CADPS2: variants seen among roughly 807,000 people sequenced by gnomAD.
CADPS2 encodes the protein calcium dependent secretion activator 2.
CADPS2 carries 93 observed loss-of-function variants against 172.5 expected under a neutral mutation model. The ratio of observed to expected loss-of-function variants is 0.54; its 90% CI spans 0.46 to 0.64. The LOEUF (loss-of-function observed/expected upper bound fraction) is 0.64. Among genes scored for constraint, CADPS2 ranks in the 30% least tolerant of loss-of-function variants. The probability of loss-of-function intolerance (pLI) is 0.00; values close to 1 mark genes in which losing one functional copy is unlikely to be tolerated. For missense variants in CADPS2, 1,420 were observed against 1,565.9 expected (o/e 0.91, Z 1.57); for synonymous variants, 546 against 555.2 (o/e 0.98, Z 0.23).
intron 2 of CADPS2, chr7:122,698,599 C>A (rs548637042): frequency 8.1e-6 from 13 of 1,613,970 alleles, no homozygotes; most frequent in South Asian, 2.2e-5. Context: ...ACAACCTCCC[C>A]GTTCAATAAG....
chr7:122,624,755 C>T (rs1438484486), intron 4 of CADPS2, among the ~76,000 whole-genome samples: 2 of 152,094 alleles, frequency 1.3e-5, no homozygotes, highest in African/African-American at 4.8e-5. Context: ...ACAAATATGC[C>T]AGCATGTAAG....
intron 7 of CADPS2, among the ~76,000 whole-genome samples, chr7:122,571,995 C>T (rs73433778): frequency 0.028 from 4,237 of 152,102 alleles, 72 homozygotes; most frequent in South Asian, 0.055. Flanking sequence ...CTCTCACAGA[C>T]AAAATTTATA....
intron 20 of CADPS2, among the ~76,000 whole-genome samples, chr7:122,397,861 G>A (rs149704350): frequency 6.6e-6 from 1 of 152,172 alleles, no homozygotes; most frequent in African/African-American, 2.4e-5. Flanking sequence ...TCAAGTATGA[G>A]AGAGTGAAAA....
intron 14 of CADPS2, among the ~76,000 whole-genome samples, chr7:122,466,851 C>T (rs1586326672): frequency 1.3e-5 from 2 of 152,148 alleles, no homozygotes; most frequent in African/African-American, 4.8e-5. Flanking sequence ...GGAGCCAGAA[C>T]AGGAATACAG....
At chr7:122,598,898 C>A (rs2072314423) in intron 6 of CADPS2, among the ~76,000 whole-genome samples, 1 of 151,982 alleles carries the variant, frequency 6.6e-6, no homozygotes, top group African/African-American at 2.4e-5. Flanking sequence ...AAAAGAGAGA[C>A]AACTAGAGCA....
chr7:122,834,359 G>C (rs1417606332), intron 1 of CADPS2, among the ~76,000 whole-genome samples: 1 of 152,176 alleles, frequency 6.6e-6, no homozygotes. Context: ...ACAGCTCCCA[G>C]CGTGAGCGAC....
At chr7:122,716,684 AAAAT>A (rs1277900454) in intron 2 of CADPS2, among the ~76,000 whole-genome samples, 1 of 152,144 alleles carries the variant, frequency 6.6e-6, no homozygotes, top group African/African-American at 2.4e-5. Flanking sequence ...ATAACAATTA[AAAAT>A]AAATAAATAA....
At chr7:122,832,051 C>G (rs1253151525) in intron 1 of CADPS2, among the ~76,000 whole-genome samples, 1 of 152,028 alleles carries the variant, frequency 6.6e-6, no homozygotes, top group Non-Finnish European at 1.5e-5. Flanking sequence ...ACTCTAAAAC[C>G]ATTCAAAAAT....
chr7:122,730,280 T>C (rs1426661316), intron 2 of CADPS2, among the ~76,000 whole-genome samples: 1 of 151,768 alleles, frequency 6.6e-6, no homozygotes, highest in African/African-American at 2.4e-5. Flanking sequence ...ACCTAACCAT[T>C]GGCATTTATT....
At chr7:122,580,402 G>A (rs781280161) in intron 7 of CADPS2, among the ~76,000 whole-genome samples, 7 of 150,060 alleles carry the variant, frequency 4.7e-5, no homozygotes, top group Non-Finnish European at 7.4e-5. Flanking sequence ...GCAATGAGCC[G>A]AGGTTGTGCC....
At chr7:122,698,002 A>G (rs1379705511) in intron 2 of CADPS2, 1 of 1,613,544 alleles carries the variant, frequency 6.2e-7, no homozygotes, top group South Asian at 1.1e-5. Context: ...AACCACTTGA[A>G]TCCCCAAAAC....
At chr7:122,324,536 G>A (rs920050853) in intron 29 of CADPS2, among the ~76,000 whole-genome samples, 14 of 152,062 alleles carry the variant, frequency 9.2e-5, no homozygotes, top group African/African-American at 3.4e-4. Flanking sequence ...AGAATTTGTG[G>A]TTCTAACAAG....
intron 6 of CADPS2, among the ~76,000 whole-genome samples, chr7:122,603,882 A>C (rs2073133064): frequency 6.6e-6 from 1 of 152,198 alleles, no homozygotes; most frequent in Non-Finnish European, 1.5e-5. Context: ...TGGTTGCCAG[A>C]GGCTGAAGGT....
At chr7:122,581,535 G>A (rs1176012003) in intron 6 of CADPS2, among the ~76,000 whole-genome samples, 5 of 152,118 alleles carry the variant, frequency 3.3e-5, no homozygotes, top group Non-Finnish European at 7.4e-5. Flanking sequence ...TGCATGTTAT[G>A]AGAATTTAGG....
chr7:122,552,775 GTTT>G (rs61517518), intron 8 of CADPS2, among the ~76,000 whole-genome samples: 7 of 137,072 alleles, frequency 5.1e-5, no homozygotes, highest in South Asian at 2.4e-4. Flanking sequence ...ATAGGTTCCT[GTTT>G]TTTTTTTTTT....
At chr7:122,339,367 T>A (rs1055532098) in intron 28 of CADPS2, among the ~76,000 whole-genome samples, 3 of 152,334 alleles carry the variant, frequency 2.0e-5, no homozygotes, top group African/African-American at 7.2e-5. Context: ...AAAGTTCTGT[T>A]TAATGGTCAC....
intron 7 of CADPS2, among the ~76,000 whole-genome samples, chr7:122,555,931 C>G (rs1420959578): frequency 6.6e-6 from 1 of 152,018 alleles, no homozygotes; most frequent in East Asian, 1.9e-4. Flanking sequence ...CAAGACTCCC[C>G]TTCTCTCTAG....
chr7:122,638,731 T>A (rs533236646), intron 3 of CADPS2, among the ~76,000 whole-genome samples: 5 of 152,188 alleles, frequency 3.3e-5, no homozygotes. Flanking sequence ...CCCTGAGGAC[T>A]CTTACTCACT....
At chr7:122,645,533 T>C (rs2078401704) in intron 3 of CADPS2, among the ~76,000 whole-genome samples, 2 of 132,642 alleles carry the variant, frequency 1.5e-5, no homozygotes, top group Non-Finnish European at 3.2e-5. Context: ...TATAAGTATA[T>C]ATATATACTT....
Sources: allele counts gnomAD v4.1 joint callset (sites outside exome capture counted in the v4.1 genomes callset), GRCh38; gene constraint gnomAD v4.1.1; transcripts MANE v1.5; gene names NCBI Gene and HGNC (gene_info 2026-07-23, HGNC 2026-07-21).